The following SSBP3 variants were observed in gnomAD, a reference collection of about 807,000 sequenced individuals.
SSBP3 encodes single-stranded DNA-binding protein 3.
SSBP3 carries 5 observed loss-of-function variants against 69.6 expected under a neutral mutation model. The observed-to-expected ratio is 0.07, with a 90% CI of 0.04 to 0.15. The LOEUF (loss-of-function observed/expected upper bound fraction) is 0.15. Ranked by LOEUF, SSBP3 falls within the 10% of genes least tolerant of loss-of-function variation. The pLI, the probability that SSBP3 is intolerant of heterozygous loss-of-function variation, is 1.00. For missense variants in SSBP3, 312 were observed against 534.0 expected (o/e 0.58, Z 4.10); for synonymous variants, 196 against 193.4 (o/e 1.01, Z -0.11).
At chr1:54,269,630 T>A (rs527379967) in intron 5 of SSBP3, among the ~76,000 whole-genome samples, 1 of 152,364 alleles carries the variant, frequency 6.6e-6, no homozygotes, top group Non-Finnish European at 1.5e-5. Context: ...TGTCAAAGTA[T>A]TCTTGAATAA....
chr1:54,384,007 G>A (rs1284107211), intron 4 of SSBP3, among the ~76,000 whole-genome samples: 1 of 151,258 alleles, frequency 6.6e-6, no homozygotes, highest in Admixed American at 6.6e-5. Flanking sequence ...TTGGGAGGCT[G>A]AGGCAGGAGA....
chr1:54,299,391 C>T (rs549568118), intron 4 of SSBP3, among the ~76,000 whole-genome samples: 1 of 152,262 alleles, frequency 6.6e-6, no homozygotes, highest in African/African-American at 2.4e-5. Context: ...CTACCCTCTG[C>T]CATTTTCACT....
chr1:54,225,507 T>C (rs1016825963), exon 18 of SSBP3: 25 of 1,052,192 alleles, frequency 2.4e-5, no homozygotes, highest in African/African-American at 4.9e-5. Context: ...TCATAATTAC[T>C]TTTTTTTCCT....
intron 4 of SSBP3, among the ~76,000 whole-genome samples, chr1:54,328,203 G>A (rs977203895): frequency 7.2e-5 from 11 of 152,044 alleles, no homozygotes; most frequent in Non-Finnish European, 1.0e-4. Context: ...GGCCCGCAGC[G>A]AACAATGAGT....
intron 5 of SSBP3, among the ~76,000 whole-genome samples, chr1:54,281,020 CAAGTA>C (rs1019044691): frequency 1.3e-5 from 2 of 152,052 alleles, no homozygotes; most frequent in African/African-American, 2.4e-5. Context: ...GTCATTTGGA[CAAGTA>C]AAGTAAACAA....
intron 4 of SSBP3, among the ~76,000 whole-genome samples, chr1:54,348,715 A>G (rs559874285): frequency 1.3e-5 from 2 of 152,220 alleles, no homozygotes; most frequent in Non-Finnish European, 2.9e-5. Context: ...GTCATGGGGC[A>G]GCGGGGCAGA....
chr1:54,376,014 G>C (rs1647221448), intron 4 of SSBP3, among the ~76,000 whole-genome samples: 1 of 152,110 alleles, frequency 6.6e-6, no homozygotes, highest in Admixed American at 6.5e-5. Context: ...CAGGGAGGGA[G>C]GGGGAGGAAA....
At chr1:54,400,154 A>G (rs1649192476) in intron 4 of SSBP3, among the ~76,000 whole-genome samples, 1 of 152,180 alleles carries the variant, frequency 6.6e-6, no homozygotes, top group East Asian at 1.9e-4. Flanking sequence ...TCAGGATGGA[A>G]GACGACACCA....
At chr1:54,242,677 C>T (rs369974530) in intron 10 of SSBP3, among the ~76,000 whole-genome samples, 12 of 152,258 alleles carry the variant, frequency 7.9e-5, no homozygotes, top group South Asian at 2.1e-4. Context: ...AGGCCGGGCA[C>T]GGTGGCTCAC....
chr1:54,273,070 G>T (rs1645223320), intron 5 of SSBP3, among the ~76,000 whole-genome samples: 1 of 152,256 alleles, frequency 6.6e-6, no homozygotes, highest in Admixed American at 6.5e-5. Flanking sequence ...AGCCCAGCTG[G>T]GCTCTGTAGC....
chr1:54,404,170 G>A (rs1436426189), intron 3 of SSBP3, among the ~76,000 whole-genome samples: 1 of 151,930 alleles, frequency 6.6e-6, no homozygotes, highest in African/African-American at 2.4e-5. Context: ...GAGCTCCCGA[G>A]GAGAAAAAGG....
chr1:54,311,647 C>T (rs958533947), intron 4 of SSBP3, among the ~76,000 whole-genome samples: 4 of 152,258 alleles, frequency 2.6e-5, no homozygotes, highest in Non-Finnish European at 4.4e-5. Flanking sequence ...CACCGTCACT[C>T]GGAGGGGCGG....
At chr1:54,342,067 G>C (rs949976514) in intron 4 of SSBP3, among the ~76,000 whole-genome samples, 20 of 152,242 alleles carry the variant, frequency 1.3e-4, no homozygotes, top group Admixed American at 2.6e-4. Context: ...CGCGCAGAGG[G>C]ATTTCCTGGA....
intron 4 of SSBP3, among the ~76,000 whole-genome samples, chr1:54,399,438 C>T (rs569069690): frequency 4.1e-4 from 63 of 152,300 alleles, no homozygotes; most frequent in Admixed American, 2.3e-3. Context: ...CTTCTCTCAT[C>T]GGGTCTCTGG....
chr1:54,285,325 C>T (rs963954411), intron 4 of SSBP3: 1 of 152,040 alleles, frequency 6.6e-6, no homozygotes, highest in Non-Finnish European at 1.5e-5. Context: ...AAATCTAAAC[C>T]AAGGTACCCT....
rs1644969791 is a variant in SSBP3, at chr1:54,258,909, AG to A, written c.367-761del. Among the ~76,000 whole-genome samples the A allele has an allele frequency of 6.6e-6, 1 of 152,158 alleles. No individual in the cohort carries two copies. The highest frequency in any genetic ancestry group is 2.1e-4 in the South Asian group (1 of 4,828). ...TTACTGATGAGGAATCTAAGTCTCG[AG>A]GGATGAAGGAACTTGGCCATGGCCA... is the stretch of plus-strand genomic sequence containing the variant. On this transcript the variant is annotated intron_variant, in intron 5 of 17. Coordinates refer to ENST00000610401, the Ensembl canonical transcript of SSBP3. This position sits in a 1 kb window ranked among gnomAD's most constrained non-coding sequence, Gnocchi z 4.5.
intron 4 of SSBP3, among the ~76,000 whole-genome samples, chr1:54,304,021 C>A (rs1008149704): frequency 6.6e-6 from 1 of 152,058 alleles, no homozygotes; most frequent in Non-Finnish European, 1.5e-5. Context: ...ATGGGTAGCA[C>A]GGAGACAGAG....
intron 4 of SSBP3, among the ~76,000 whole-genome samples, chr1:54,350,799 A>C (rs1646769499): frequency 6.6e-6 from 1 of 152,136 alleles, no homozygotes; most frequent in Admixed American, 6.5e-5. Context: ...AAATAAACTC[A>C]AGAGTCTGGA....
At chr1:54,307,883 T>G (rs552460444) in intron 4 of SSBP3, among the ~76,000 whole-genome samples, 2 of 152,280 alleles carry the variant, frequency 1.3e-5, no homozygotes, top group South Asian at 4.1e-4. Context: ...GAAATAACCA[T>G]AAAAATGAGC....
Sources: gnomAD v4.1 joint callset for allele counts (sites outside exome capture counted in the v4.1 genomes callset) on GRCh38, gnomAD v4.1.1 for gene constraint, Gnocchi (gnomAD v3.1) non-coding constraint, MANE v1.5 for transcripts, NCBI Gene and HGNC (gene_info 2026-07-23, HGNC 2026-07-21) for gene names.